Variants in ANKAR observed in about 807,000 individuals in gnomAD.
The protein encoded by ANKAR is ankyrin and armadillo repeat-containing protein.
ANKAR carries 136 observed loss-of-function variants against 146.2 expected under a neutral mutation model. The observed-to-expected ratio is 0.93, with a 90% CI of 0.81 to 1.07. The LOEUF is 1.07. Among genes scored for constraint, ANKAR ranks in the 50% least tolerant of loss-of-function variants. ANKAR has a pLI of 0.00. For missense variants in ANKAR, 1,567 were observed against 1,679.9 expected (o/e 0.93, Z 1.18); for synonymous variants, 500 against 575.8 (o/e 0.87, Z 1.88).
Position 189,728,051 on chromosome 2 carries a change from C to T in ANKAR, c.2831C>T (p.Ala944Val). 1 of 1,613,058 alleles carries T rather than the reference C, an allele frequency of 6.2e-7. No homozygotes were observed. Among genetic ancestry groups the T allele is most frequent in the South Asian group, 1.1e-5 (1 of 90,916 alleles). The change falls in exon 13 of 23, where the codon GCA (alanine) becomes GTA (valine). Residue 944 changes from alanine (A) to valine (V), a missense_variant. By Grantham distance (64) the Ala-to-Val change is moderately conservative. Transcript: ENST00000684021. ...AGTCACAACGCTCTTATACAGAAAG[C>T]ATTTCTGGAAAAATCGTTAACTAAA... ...LASHNALIQK[A>V]FLEKSLTKYL...
At chr2:189,732,701 C>G (rs1016857733) in intron 16 of ANKAR, among the ~76,000 whole-genome samples, 12 of 144,716 alleles carry the variant, frequency 8.3e-5, no homozygotes, top group African/African-American at 2.0e-4. Context: ...GCATTAAAGC[C>G]TTACAACTCA....
intron 15 of ANKAR, 51 bp from the exon 16 acceptor site, chr2:189,730,444 C>A (rs769780102): frequency 1.7e-6 from 2 of 1,174,152 alleles, no homozygotes; most frequent in South Asian, 3.0e-5. Flanking sequence ...TTTGACTTTA[C>A]CATTTGTAAG....
chr2:189,762,731 A>G (rs898860703), downstream of ANKAR: 21 of 985,306 alleles, frequency 2.1e-5, no homozygotes, highest in African/African-American at 3.5e-5. Context: ...TTTCCCTACT[A>G]AAGACTGTCG....
intron 4 of ANKAR, 148 bp from the exon 5 acceptor site, chr2:189,692,926 A>G (rs1488874115): frequency 2.3e-6 from 1 of 442,550 alleles, no homozygotes; most frequent in Admixed American, 4.4e-5. Flanking sequence ...CAAAGTAAGG[A>G]TTAGATATAT....
intron 12 of ANKAR, among the ~76,000 whole-genome samples, chr2:189,723,445 C>T (rs1418184904): frequency 6.6e-6 from 1 of 152,084 alleles, no homozygotes; most frequent in Non-Finnish European, 1.5e-5. Flanking sequence ...ATGACACCAC[C>T]ACAGAAACTC....
Position 189,696,317 on chromosome 2 carries a change from G to A in ANKAR, c.1656G>A (p.Leu552=). ...LHNRVSIICQ[L]CNANFKVNQR... ...ACAGAGTTTCTATTATATGTCAACT[G>A]TGCAATGCTAACTTCAAGGTCAACC... Residue 552 remains leucine (L), a synonymous_variant, in exon 7 of 23, where the codon CTG becomes CTA. Coordinates refer to ENST00000684021, the MANE Select transcript of ANKAR (RefSeq NM_001378068.1). 2.5e-6 allele frequency: 4 copies of A among 1,614,040 alleles called. No homozygotes were observed. The South Asian group carries it at 3.3e-5, about 13-fold the overall frequency.
chr2:189,692,828 T>C, intron 4 of ANKAR: 1 of 272,972 alleles, frequency 3.7e-6, no homozygotes, highest in Non-Finnish European at 6.8e-6. Context: ...ACCTGGAATT[T>C]AGTATAAAAA....
At chr2:189,722,687 C>A (rs1055141937) in intron 12 of ANKAR, among the ~76,000 whole-genome samples, 1 of 152,028 alleles carries the variant, frequency 6.6e-6, no homozygotes, top group Non-Finnish European at 1.5e-5. Flanking sequence ...TCAAGACCAT[C>A]CTGGCCAACA....
At chr2:189,761,026 A>ATTG (rs1445951680) in intron 18 of ANKAR, 1 of 14,050 alleles carries the variant, frequency 7.1e-5, no homozygotes, top group African/African-American at 1.9e-4. Context: ...ACAACAGTGT[A>ATTG]TTATTATTTA....
intron 2 of ANKAR, among the ~76,000 whole-genome samples, chr2:189,687,179 T>C (rs2035724060): frequency 6.6e-6 from 1 of 152,188 alleles, no homozygotes; most frequent in Non-Finnish European, 1.5e-5. Flanking sequence ...ATGAGGTCAA[T>C]TGTTTTAATT....
downstream of ANKAR, among the ~76,000 whole-genome samples, chr2:189,749,624 T>C (rs1329320565): frequency 2.6e-5 from 4 of 152,026 alleles, no homozygotes; most frequent in Admixed American, 2.0e-4. Context: ...TGTGAAAGTA[T>C]GTGGACAACT....
chr2:189,746,757 C>A, downstream of ANKAR: 1 of 923,524 alleles, frequency 1.1e-6, no homozygotes, highest in Middle Eastern at 3.1e-4. Context: ...CGATACTAAG[C>A]AGATTTTCCT....
At chr2:189,754,570 G>A (rs2045787016) in intron 18 of ANKAR, 5 of 490,494 alleles carry the variant, frequency 1.0e-5, no homozygotes, top group Non-Finnish European at 1.8e-5. Context: ...CCCTGTCTAT[G>A]TTTGCTCTTC....
At chr2:189,704,993 A>G in intron 7 of ANKAR, 30 bp from the exon 8 acceptor site, 1 of 1,604,410 alleles carries the variant, frequency 6.2e-7, no homozygotes, top group Non-Finnish European at 8.5e-7. Flanking sequence ...TAGTGCTGTG[A>G]TCACTGAAGT....
downstream of ANKAR, chr2:189,762,729 C>CTAAA: frequency 1.0e-6 from 1 of 985,490 alleles, no homozygotes; most frequent in South Asian, 4.7e-5. Flanking sequence ...CCTTTCCCTA[C>CTAAA]TAAAGACTGT....
chr2:189,754,114 G>T, intron 18 of ANKAR: 1 of 1,611,814 alleles, frequency 6.2e-7, no homozygotes, highest in East Asian at 2.2e-5. Context: ...ATATTTATCT[G>T]TTCAACTTTA....
chr2:189,711,065 A>C lies in ANKAR; in HGVS notation c.2136A>C (p.Glu712Asp), dbSNP rs766408548. Residue 712 changes from glutamate to aspartate, a missense_variant, in exon 10 of 23, where the codon GAA becomes GAC. By Grantham distance (45) the Glu-to-Asp change is conservative. Coordinates refer to ENST00000684021, the MANE Select transcript of ANKAR (RefSeq NM_001378068.1). ...WKTLVEMLQC[E>D]SYKRRMMAVM... ...ACTTAACAGAAATGTTACAGTGTGA[A>C]AGCTATAAACGAAGGATGATGGCCG... is the stretch of plus-strand genomic sequence containing the variant. The C allele has an allele frequency of 1.1e-5, 17 of 1,613,812 alleles. No individual in the cohort carries two copies. The highest frequency in any genetic ancestry group is 1.4e-5 in the Non-Finnish European group (17 of 1,179,880).
At chr2:189,696,577 T>G (rs2037237543) in intron 7 of ANKAR, among the ~76,000 whole-genome samples, 1 of 152,208 alleles carries the variant, frequency 6.6e-6, no homozygotes, top group South Asian at 2.1e-4. Flanking sequence ...TTGCTCATTG[T>G]GTCTCCTTCA....
In ANKAR at chr2:189,719,590, T is replaced by G. The variant is rs1390547445; in HGVS notation, c.2243T>G (p.Ile748Ser). The change falls in exon 11 of 23, where the codon ATC becomes AGC. Residue 748 changes from isoleucine to serine, a missense_variant. Physicochemically the swap from Ile to Ser is moderately radical, Grantham distance 142. Transcript: ENST00000684021. ...ILDAGTIPAL[I>S]NLLKSSKIKL... ...ATTACAGGCACCATTCCTGCCTTAA[T>G]CAATCTATTAAAAAGTTCCAAAATA... 2.5e-6 allele frequency: 4 copies of G among 1,610,864 alleles called. No homozygotes were observed. The highest frequency in any genetic ancestry group is 1.7e-5 in the Admixed American group (1 of 59,966).
Sources: allele counts gnomAD v4.1 joint callset (sites outside exome capture counted in the v4.1 genomes callset), GRCh38; gene constraint gnomAD v4.1.1; transcripts MANE v1.5; gene names NCBI Gene and HGNC (gene_info 2026-07-23, HGNC 2026-07-21).